The following KDM4A variants were observed in gnomAD, a reference collection of about 807,000 sequenced individuals.
The protein encoded by KDM4A is lysine demethylase 4A.
A neutral mutation model predicts 127.1 loss-of-function variants in KDM4A; 23 were observed. The observed-to-expected ratio is 0.18, with a 90% CI of 0.13 to 0.26. KDM4A has a LOEUF of 0.26. Ranked by LOEUF, KDM4A falls within the 10% of genes least tolerant of loss-of-function variation. The pLI is 1.00. For missense variants in KDM4A, 890 were observed against 1,329.1 expected (o/e 0.67, Z 5.14); for synonymous variants, 443 against 466.5 (o/e 0.95, Z 0.65).
chr1:43,663,635 C>G (rs1220896427), intron 5 of KDM4A, among the ~76,000 whole-genome samples: 2 of 138,832 alleles, frequency 1.4e-5, no homozygotes, highest in East Asian at 2.0e-4. Flanking sequence ...TTTTTTTTTT[C>G]TATTTTGAGA....
At chr1:43,665,822 C>A in intron 6 of KDM4A, 77 bp downstream of exon 6, 1 of 1,458,002 alleles carries the variant, frequency 6.9e-7, no homozygotes, top group Non-Finnish European at 9.6e-7. Context: ...AATGTGCGTT[C>A]CCCATGGTCA....
At chr1:43,667,364 C>A (rs922894150) in intron 8 of KDM4A, among the ~76,000 whole-genome samples, 28 of 152,184 alleles carry the variant, frequency 1.8e-4, no homozygotes, top group Non-Finnish European at 3.5e-4. Flanking sequence ...TCCGAGATTT[C>A]TCTGTTGAAA....
At chr1:43,659,216 C>T (rs959708636) in intron 3 of KDM4A, among the ~76,000 whole-genome samples, 7 of 152,050 alleles carry the variant, frequency 4.6e-5, no homozygotes, top group Non-Finnish European at 7.4e-5. Flanking sequence ...TTGCTTGAGC[C>T]CAGGAGTTCG....
At position 43,667,882 on chromosome 1, in the gene KDM4A, C is replaced by T. The variant is rs753215720; in HGVS notation, c.1026C>T (p.Asp342=). 6 of 1,614,136 alleles carry T rather than the reference C, an allele frequency of 3.7e-6. No homozygotes were observed. Among genetic ancestry groups the T allele is most frequent in the Admixed American group, 1.7e-5 (1 of 60,016 alleles). ...WKAGKDNTVI[D]HTLPTPEAAE... is the part of the protein sequence containing the mutation. ...CTGGGAAGGACAACACAGTTATTGA[C>T]CATACTCTGCCCACGCCAGAAGCAG... Residue 342 remains aspartate, a synonymous_variant, in exon 9 of 22, where the codon GAC becomes GAT. Transcript: ENST00000372396.
chr1:43,695,135 G>A (rs1661213524), intron 18 of KDM4A, among the ~76,000 whole-genome samples: 2 of 152,058 alleles, frequency 1.3e-5, no homozygotes. Flanking sequence ...TTACTTGTCT[G>A]CCTCTCCATC....
In KDM4A at chr1:43,671,670, C is replaced by A. The variant is rs1660621617; in HGVS notation, c.1529C>A (p.Ser510Tyr). Residue 510 changes from serine to tyrosine, a missense_variant, in exon 11 of 22, where the codon TCT (serine) becomes TAT (tyrosine). By Grantham distance (144) the Ser-to-Tyr change is moderately radical. This residue lies in a region of KDM4A where 389 missense variants were observed against 485.9 expected (regional missense o/e 0.80). Transcript: ENST00000372396. Reference sequence around the variant, plus strand: ...TCAGGCTCCAAAAAGAAATCATCTTCTAGCCTGGGCTCTGGCTCTTCACGG... The same window carrying A: ...TCAGGCTCCAAAAAGAAATCATCTTATAGCCTGGGCTCTGGCTCTTCACGG... ...VFSGSKKKSS[S>Y]SLGSGSSRDS... is the part of the protein sequence containing the mutation. 6.2e-7 allele frequency: 1 copy of A among 1,612,778 alleles called. No homozygotes were observed. Among genetic ancestry groups the A allele is most frequent in the Non-Finnish European group, 8.5e-7 (1 of 1,179,496 alleles).
At chr1:43,655,859 C>G in intron 3 of KDM4A, 93 bp downstream of exon 3, 2 of 1,030,266 alleles carry the variant, frequency 1.9e-6, no homozygotes, top group Non-Finnish European at 2.8e-6. Flanking sequence ...TCCTGATGAA[C>G]AGTGTCTTCA....
chr1:43,677,344 C>CA (rs35771419), intron 11 of KDM4A, among the ~76,000 whole-genome samples: 1,599 of 64,722 alleles, frequency 0.025, 19 homozygotes, highest in East Asian at 0.045. Context: ...GACTCCATCT[C>CA]AAAAAAAAAA....
chr1:43,662,857 AAAT>A, intron 4 of KDM4A, 34 bp from the exon 5 acceptor site: 4 of 1,555,164 alleles, frequency 2.6e-6, no homozygotes, highest in Non-Finnish European at 3.5e-6. Context: ...GTTTCTATGC[AAAT>A]GTAACTTGCC....
intron 18 of KDM4A, among the ~76,000 whole-genome samples, chr1:43,695,802 T>G (rs893052154): frequency 1.3e-5 from 2 of 152,100 alleles, no homozygotes; most frequent in African/African-American, 4.8e-5. Flanking sequence ...CAGGTAGAAC[T>G]GATAGGGTTT....
chr1:43,688,949 G>C lies in KDM4A; in HGVS notation c.1891G>C (p.Glu631Gln). 6.2e-7 allele frequency: 1 copy of C among 1,614,214 alleles called. No individual in the cohort carries two copies. The highest frequency in any genetic ancestry group is 8.5e-7 in the Non-Finnish European group (1 of 1,180,028). The change falls in exon 13 of 22, where the codon GAG (glutamate) becomes CAG (glutamine). Residue 631 changes from glutamate (E) to glutamine (Q), a missense_variant. Transcript: ENST00000372396. This position sits in a 1 kb window ranked among gnomAD's most constrained non-coding sequence, Gnocchi z 4.4. ...SEQLTPEEEA[E>Q]ETEAWAKPLS... ...ACAGCTGACCCCTGAGGAAGAGGCTGAGGAGACAGAGGCCTGGGCCAAGCC... is the reference window on the plus strand; with the variant it reads ...ACAGCTGACCCCTGAGGAAGAGGCTCAGGAGACAGAGGCCTGGGCCAAGCC...
chr1:43,669,937 G>A (rs1470257389), intron 10 of KDM4A, among the ~76,000 whole-genome samples: 1 of 152,160 alleles, frequency 6.6e-6, no homozygotes, highest in Non-Finnish European at 1.5e-5. Context: ...GATTACAGGC[G>A]TGAGCCACTG....
At chr1:43,690,407 C>T (rs370029777) in intron 13 of KDM4A, among the ~76,000 whole-genome samples, 7 of 152,248 alleles carry the variant, frequency 4.6e-5, no homozygotes, top group African/African-American at 1.7e-4. Context: ...ACCATCACAC[C>T]CAGCTAATTT....
chr1:43,688,826 G>A lies in KDM4A; in HGVS notation c.1856-88G>A, dbSNP rs149428260. On this transcript the variant is annotated intron_variant, in intron 12 of 21. Coordinates refer to ENST00000372396, the MANE Select transcript of KDM4A (RefSeq NM_014663.3). The surrounding 1 kb of genome is among the most constrained non-coding windows in gnomAD (Gnocchi z 4.4). ...CACCCTTGGTCCAAACCTAGGATCA[G>A]GAGTCCTAGTGGAACTCATCTGTTC... is the stretch of plus-strand genomic sequence containing the variant. 425 of 1,211,976 alleles carry A rather than the reference G, an allele frequency of 3.5e-4. 1 individual carries two copies. In the African/African-American group the frequency reaches 5.3e-3, roughly 15 times the overall value. The allele number at this position is 1,211,976 out of a possible 1,614,324, so 75.1% of individuals were successfully genotyped here. A position where few individuals can be genotyped will look rare whatever the true frequency, so the allele number is the denominator to read the frequency against.
intron 3 of KDM4A, 120 bp from the exon 4 acceptor site, chr1:43,660,178 T>G: frequency 1.8e-6 from 2 of 1,115,552 alleles, no homozygotes; most frequent in Non-Finnish European, 2.6e-6. Flanking sequence ...AGGCCAAGAT[T>G]ATGCCTTGTT....
rs1661281824 is a variant in KDM4A at position 43,697,911 on chromosome 1, C to T, written c.2739C>T (p.Arg913=). The change falls in exon 19 of 22, where the codon CGC becomes CGT. Residue 913 remains arginine (R), a synonymous_variant. Transcript: ENST00000372396. ...TCATTAGCAAGCATAAGAACGGGCG[C>T]TTCTACCAGTGTGAAGTGGTCAGGC... ...QKVISKHKNG[R]FYQCEVVRLT... 6.2e-7 allele frequency: 1 copy of T among 1,613,890 alleles called. No homozygotes were observed. Among genetic ancestry groups the T allele is most frequent in the East Asian group, 2.2e-5 (1 of 44,850 alleles).
At position 43,690,949 on chromosome 1, in the gene KDM4A, T is replaced by C. The variant is rs934949005; in HGVS notation, c.2142T>C (p.Thr714=). Residue 714 remains threonine (T), a synonymous_variant, in exon 14 of 22, where the codon ACT becomes ACC. Coordinates refer to ENST00000372396, the MANE Select transcript of KDM4A (RefSeq NM_014663.3). The part of the protein sequence containing the change: ...PLIPEMCFTS[T]GCSTDINLST... Reference sequence around the variant, plus strand: ...TTCCAGAAATGTGCTTCACTTCGACTGGCTGCAGCACGGACATCAACCTTT... The same window carrying C: ...TTCCAGAAATGTGCTTCACTTCGACCGGCTGCAGCACGGACATCAACCTTT... 4 of 1,614,140 alleles carry C rather than the reference T, an allele frequency of 2.5e-6. No homozygotes were observed. Among genetic ancestry groups the C allele is most frequent in the Non-Finnish European group, 3.4e-6 (4 of 1,180,054 alleles).
intron 11 of KDM4A, 129 bp from the exon 12 acceptor site, chr1:43,683,555 T>C (rs1660904136): frequency 1.8e-5 from 19 of 1,080,994 alleles, no homozygotes; most frequent in Non-Finnish European, 2.1e-5. Context: ...ATAGGTATTT[T>C]CTGTTTGGTA....
rs796219922 is a variant in KDM4A at position 43,704,776 on chromosome 1, T to C, written c.*406T>C. The stretch of plus-strand genomic sequence containing the variant: ...CCCTACTTTTGTATTTATATGTGTG[T>C]GTGTGTGTGCGTGCGTGCGTGCGTG... On this transcript the variant is annotated 3_prime_UTR_variant, in exon 22 of 22. Transcript: ENST00000372396. 2.7e-5 allele frequency: 6 copies of C among 219,798 alleles called. No individual in the cohort carries two copies. The highest frequency in any genetic ancestry group is 1.4e-4 in the African/African-American group (6 of 42,718). The allele number at this position is 219,798 out of a possible 1,614,324, so 13.6% of individuals were successfully genotyped here.
Sources: allele counts gnomAD v4.1 joint callset (sites outside exome capture counted in the v4.1 genomes callset), GRCh38; gene constraint gnomAD v4.1.1; regional missense constraint gnomAD v4.1.1; non-coding constraint Gnocchi (gnomAD v3.1); transcripts MANE v1.5; gene names NCBI Gene and HGNC (gene_info 2026-07-23, HGNC 2026-07-21).